Variants in MNAT1 observed in about 807,000 individuals in gnomAD.
MNAT1 encodes the protein CDK-activating kinase assembly factor MAT1.
MNAT1 carries 43 observed loss-of-function variants against 42.0 expected under a neutral mutation model. The observed-to-expected ratio is 1.02, with a 90% CI of 0.80 to 1.32. The LOEUF (loss-of-function observed/expected upper bound fraction) is 1.32. MNAT1 is among the 40% of genes most tolerant of loss of function. The pLI is 0.00. For synonymous variants in MNAT1, 118 were observed against 120.0 expected, an observed-to-expected ratio of 0.98 and a Z score of 0.11; for missense variants, 306 against 350.4, an observed-to-expected ratio of 0.87 and a Z score of 1.01.
At chr14:60,938,716 G>A (rs368052055) in intron 7 of MNAT1, among the ~76,000 whole-genome samples, 6 of 152,170 alleles carry the variant, frequency 3.9e-5, no homozygotes, top group East Asian at 3.9e-4. Context: ...GTCTCTGCCC[G>A]GCTTTGGTAT....
At chr14:60,798,367 G>C (rs1320641212) in intron 3 of MNAT1, among the ~76,000 whole-genome samples, 1 of 152,114 alleles carries the variant, frequency 6.6e-6, no homozygotes, top group Non-Finnish European at 1.5e-5. Flanking sequence ...TTGTCTTTTA[G>C]GAAAAATATG....
intron 6 of MNAT1, among the ~76,000 whole-genome samples, chr14:60,859,852 A>T (rs891466695): frequency 6.6e-6 from 1 of 152,168 alleles, no homozygotes; most frequent in East Asian, 1.9e-4. Context: ...TTCAATTAAG[A>T]GCTTATTGAT....
intron 1 of MNAT1, among the ~76,000 whole-genome samples, chr14:60,748,613 C>T (rs1566750197): frequency 6.6e-6 from 1 of 152,298 alleles, no homozygotes; most frequent in East Asian, 1.9e-4. Flanking sequence ...TAGCCTAGAC[C>T]TACACAGGGT....
At chr14:60,791,812 A>C (rs2031828854) in intron 1 of MNAT1, among the ~76,000 whole-genome samples, 1 of 152,152 alleles carries the variant, frequency 6.6e-6, no homozygotes, top group Admixed American at 6.5e-5. Context: ...AAAATGTGAA[A>C]CCTTTTTAAG....
rs757581862 is a variant in MNAT1 at position 60,734,988 on chromosome 14, C to G, written c.89+37C>G. 3 of 1,597,864 alleles carry G rather than the reference C, an allele frequency of 1.9e-6. No individual in the cohort carries two copies. The Admixed American group carries it at 5.0e-5, about 27-fold the overall frequency. ...GGCAGTGGATTCCCTGGGGGAGAGA[C>G]GCGCTGGGTGGGAGGAGAGGACCGG... is the stretch of plus-strand genomic sequence containing the variant. On this transcript the variant is annotated intron_variant, in intron 1 of 7. Transcript: ENST00000261245. The surrounding 1 kb of genome is among the most constrained non-coding windows in gnomAD (Gnocchi z 4.3).
At chr14:60,845,863 T>C (rs2033669488) in intron 6 of MNAT1, among the ~76,000 whole-genome samples, 2 of 152,148 alleles carry the variant, frequency 1.3e-5, no homozygotes, top group African/African-American at 4.8e-5. Flanking sequence ...TGTTAGACTT[T>C]AGTATGAGGA....
chr14:60,816,949 A>G (rs912798111), intron 5 of MNAT1, among the ~76,000 whole-genome samples: 2 of 152,012 alleles, frequency 1.3e-5, no homozygotes, highest in African/African-American at 4.8e-5. Context: ...TTTTATGTGA[A>G]TGTGAAACCA....
chr14:60,767,170 A>G (rs1236640685), intron 1 of MNAT1, among the ~76,000 whole-genome samples: 5 of 152,222 alleles, frequency 3.3e-5, no homozygotes, highest in Non-Finnish European at 1.5e-5. Context: ...TGGAAATGCA[A>G]TATAAACCTA....
chr14:60,845,154 G>A (rs1021241619), intron 6 of MNAT1, among the ~76,000 whole-genome samples: 4 of 151,776 alleles, frequency 2.6e-5, no homozygotes, highest in Admixed American at 2.6e-4. Context: ...CTTGAAAGTG[G>A]GGTCTACTAC....
chr14:60,873,867 G>C (rs1290083141), intron 6 of MNAT1, among the ~76,000 whole-genome samples: 1 of 152,018 alleles, frequency 6.6e-6, no homozygotes, highest in African/African-American at 2.4e-5. Context: ...GCTGCACACT[G>C]TTTTATGTTA....
chr14:60,881,685 G>C (rs994604169), intron 7 of MNAT1, among the ~76,000 whole-genome samples: 1 of 151,708 alleles, frequency 6.6e-6, no homozygotes, highest in Non-Finnish European at 1.5e-5. Context: ...ATATACAGTG[G>C]GCTATGGGAG....
At chr14:60,898,891 T>C (rs904493349) in intron 7 of MNAT1, among the ~76,000 whole-genome samples, 1 of 152,192 alleles carries the variant, frequency 6.6e-6, no homozygotes, top group Non-Finnish European at 1.5e-5. Context: ...TATCATCTGG[T>C]CATACATTTA....
chr14:60,741,210 A>T (rs549838108), intron 1 of MNAT1, among the ~76,000 whole-genome samples: 127 of 152,178 alleles, frequency 8.3e-4, no homozygotes, highest in South Asian at 7.5e-3. Flanking sequence ...TTTTCCGTTC[A>T]TTTACTTTAA....
intron 1 of MNAT1, among the ~76,000 whole-genome samples, chr14:60,739,406 T>A (rs1352632928): frequency 1.3e-5 from 2 of 151,984 alleles, no homozygotes; most frequent in Non-Finnish European, 2.9e-5. Flanking sequence ...TTTTTTCATG[T>A]CCTCAAGTAG....
At chr14:60,803,940 A>G (rs1448486852) in intron 3 of MNAT1, among the ~76,000 whole-genome samples, 2 of 152,232 alleles carry the variant, frequency 1.3e-5, no homozygotes, top group Non-Finnish European at 1.5e-5. Context: ...ATGACAATCT[A>G]TACATAAAAT....
intron 1 of MNAT1, among the ~76,000 whole-genome samples, chr14:60,765,713 G>T (rs139730990): frequency 5.5e-4 from 84 of 152,202 alleles, no homozygotes; most frequent in East Asian, 5.0e-3. Flanking sequence ...GATTATTGAT[G>T]ATGGCTTCTA....
intron 7 of MNAT1, among the ~76,000 whole-genome samples, chr14:60,935,171 A>G (rs1407828757): frequency 6.6e-6 from 1 of 152,042 alleles, no homozygotes; most frequent in South Asian, 2.1e-4. Context: ...TAGTTTCACT[A>G]TATGTAGTCA....
chr14:60,781,693 T>G (rs2031465042), intron 1 of MNAT1, among the ~76,000 whole-genome samples: 3 of 152,166 alleles, frequency 2.0e-5, no homozygotes, highest in Admixed American at 2.0e-4. Context: ...GATCTCGTAA[T>G]TATATTCTCC....
At chr14:60,959,221 T>C (rs2036544220) in intron 7 of MNAT1, among the ~76,000 whole-genome samples, 1 of 152,176 alleles carries the variant, frequency 6.6e-6, no homozygotes, top group Non-Finnish European at 1.5e-5. Context: ...CAAGCTGCCG[T>C]GGTCCACCTC....
Sources: allele counts gnomAD v4.1 joint callset (sites outside exome capture counted in the v4.1 genomes callset), GRCh38; gene constraint gnomAD v4.1.1; non-coding constraint Gnocchi (gnomAD v3.1); transcripts MANE v1.5; gene names NCBI Gene and HGNC (gene_info 2026-07-23, HGNC 2026-07-21).